F5: variants seen among roughly 807,000 people sequenced by gnomAD.
F5 encodes activated protein c cofactor.
F5 carries 138 observed loss-of-function variants against 216.4 expected under a neutral mutation model. The ratio of observed to expected loss-of-function variants is 0.64; its 90% CI spans 0.56 to 0.73. The LOEUF (loss-of-function observed/expected upper bound fraction) is 0.73, where lower values mean the gene tolerates loss of function less well. F5 is among the 30% of genes least tolerant of loss of function. F5 has a pLI of 0.00. For synonymous variants in F5, 916 were observed against 930.7 expected (o/e 0.98, Z 0.29); for missense variants, 2,403 against 2,674.0 (o/e 0.90, Z 2.24).
chr1:169,531,231 AT>A (rs1659590955), intron 14 of F5, among the ~76,000 whole-genome samples: 1 of 152,000 alleles, frequency 6.6e-6, no homozygotes, highest in African/African-American at 2.4e-5. Context: ...ACCAAAAGAT[AT>A]TTGTTCTTAG....
chr1:169,568,550 A>T (rs974738941), intron 3 of F5, among the ~76,000 whole-genome samples: 1 of 152,146 alleles, frequency 6.6e-6, no homozygotes, highest in Non-Finnish European at 1.5e-5. Flanking sequence ...AATAAAAAAA[A>T]TTAAGCTCTA....
At chr1:169,548,755 G>A (rs1660077280) in intron 10 of F5, among the ~76,000 whole-genome samples, 1 of 151,808 alleles carries the variant, frequency 6.6e-6, no homozygotes, top group African/African-American at 2.4e-5. Flanking sequence ...TGTAATCCCA[G>A]CTACTCAAGA....
intron 11 of F5, among the ~76,000 whole-genome samples, chr1:169,545,502 C>T (rs879814808): frequency 2.0e-5 from 3 of 152,184 alleles, no homozygotes; most frequent in Admixed American, 2.0e-4. Context: ...TTTCTCTTTA[C>T]TTTTTAATGT....
chr1:169,524,701 C>T, intron 19 of F5, 136 bp downstream of exon 19: 1 of 779,164 alleles, frequency 1.3e-6, no homozygotes. Context: ...AATGGAGCTG[C>T]TTCACTACAT....
intron 17 of F5, 36 bp from the exon 18 acceptor site, chr1:169,526,053 T>C: frequency 7.1e-7 from 1 of 1,404,516 alleles, no homozygotes; most frequent in Non-Finnish European, 1.0e-6. Flanking sequence ...TTTGCAAAAA[T>C]TAACAAGTAA....
chr1:169,553,842 T>A, intron 7 of F5, among the ~76,000 whole-genome samples: 1 of 152,162 alleles, frequency 6.6e-6, no homozygotes. Context: ...ACTTATACAC[T>A]CTTGGTGGAA....
At chr1:169,559,854 G>A (rs577137160) in intron 4 of F5, among the ~76,000 whole-genome samples, 2 of 151,984 alleles carry the variant, frequency 1.3e-5, no homozygotes, top group East Asian at 3.9e-4. Flanking sequence ...AAAAGTCTTT[G>A]TATAATGAGT....
At chr1:169,534,658 A>C (rs937831632) in intron 14 of F5, among the ~76,000 whole-genome samples, 9 of 150,070 alleles carry the variant, frequency 6.0e-5, no homozygotes, top group Non-Finnish European at 1.3e-4. Flanking sequence ...ACAGAGTGAG[A>C]CTCCATCTCA....
intron 16 of F5, among the ~76,000 whole-genome samples, chr1:169,529,041 G>A (rs1034549872): frequency 2.6e-5 from 4 of 152,106 alleles, no homozygotes; most frequent in Non-Finnish European, 4.4e-5. Context: ...TTTTCCTTGT[G>A]AATTTCCAAA....
At chr1:169,548,805 G>A (rs1660078670) in intron 10 of F5, among the ~76,000 whole-genome samples, 1 of 151,074 alleles carries the variant, frequency 6.6e-6, no homozygotes, top group Non-Finnish European at 1.5e-5. Context: ...GGAGGCAGAG[G>A]TTGCAGTGAT....
chr1:169,524,972 T>G, intron 18 of F5, 64 bp from the exon 19 acceptor site: 2 of 1,272,986 alleles, frequency 1.6e-6, no homozygotes, highest in Non-Finnish European at 2.3e-6. Context: ...AAAGTAAAAC[T>G]CCATGGTTAG....
chr1:169,526,287 C>T (rs1297635686), intron 17 of F5, among the ~76,000 whole-genome samples: 2 of 152,170 alleles, frequency 1.3e-5, no homozygotes, highest in African/African-American at 2.4e-5. Flanking sequence ...CAAATTAACT[C>T]ACATACAATA....
chr1:169,543,741 C>A (rs1018137563), intron 12 of F5, among the ~76,000 whole-genome samples: 2 of 152,086 alleles, frequency 1.3e-5, no homozygotes, highest in Non-Finnish European at 2.9e-5. Flanking sequence ...AGGCACTTGG[C>A]GCATATTACT....
At chr1:169,546,379 G>A in intron 11 of F5, 63 bp downstream of exon 11, 1 of 1,582,776 alleles carries the variant, frequency 6.3e-7, no homozygotes, top group Non-Finnish European at 8.7e-7. Flanking sequence ...CTGACTCTAG[G>A]CACAGTCATA....
chr1:169,574,570 G>T (rs1660800106), intron 2 of F5, among the ~76,000 whole-genome samples: 1 of 152,198 alleles, frequency 6.6e-6, no homozygotes, highest in African/African-American at 2.4e-5. Context: ...GCATTTGTTT[G>T]CAGTGGTGAT....
At chr1:169,568,588 A>G (rs1470787100) in intron 3 of F5, among the ~76,000 whole-genome samples, 1 of 152,164 alleles carries the variant, frequency 6.6e-6, no homozygotes, top group Admixed American at 6.6e-5. Context: ...ATGGACAGGG[A>G]CAACTATTGT....
Position 169,529,691 on chromosome 1 carries a change from T to C in F5, c.5336A>G (p.Lys1779Arg), listed in dbSNP as rs914981522. 5.0e-6 allele frequency: 8 copies of C among 1,613,794 alleles called. No homozygotes were observed. The highest frequency in any genetic ancestry group is 5.9e-6 in the Non-Finnish European group (7 of 1,179,844). ...FVLLFMTFDE[K>R]KSWYYEKKSR... ...CTTCTTTTCATAGTACCAGCTCTTCTTTTCATCAAAGGTCATAAATAGTAA... is the reference window on the plus strand; with the variant it reads ...CTTCTTTTCATAGTACCAGCTCTTCCTTTCATCAAAGGTCATAAATAGTAA... The change falls in exon 16 of 25, where the codon AAG becomes AGG. Residue 1779 changes from lysine to arginine, a missense_variant. Physicochemically the swap from Lys to Arg is conservative, Grantham distance 26 (BLOSUM62 2). Around this residue, in one of 4 missense-constraint regions of F5, gnomAD observed 659 missense variants for 787.9 expected, o/e 0.84. Transcript: ENST00000367797.
Position 169,572,291 on chromosome 1 carries a change from G to A in F5, c.303C>T (p.His101=). ...YAEVGDIIKV[H]FKNKADKPLS... ...AGGGCTTATCTGCCTTATTTTTAAA[G>A]TGAACTTTTATGATGTCTCCGACTT... The change falls in exon 3 of 25, where the codon CAC becomes CAT. Residue 101 remains histidine, a synonymous_variant. Transcript: ENST00000367797. 6.2e-7 allele frequency: 1 copy of A among 1,613,348 alleles called. No homozygotes were observed. The highest frequency in any genetic ancestry group is 1.1e-5 in the South Asian group (1 of 91,068).
chr1:169,577,275 T>C (rs1660874208), intron 2 of F5, among the ~76,000 whole-genome samples: 1 of 152,036 alleles, frequency 6.6e-6, no homozygotes, highest in Non-Finnish European at 1.5e-5. Flanking sequence ...TAACACAAGG[T>C]AGTGATTGTT....
Sources: allele counts gnomAD v4.1 joint callset (sites outside exome capture counted in the v4.1 genomes callset), GRCh38; gene constraint gnomAD v4.1.1; regional missense constraint gnomAD v4.1.1; transcripts MANE v1.5; gene names NCBI Gene and HGNC (gene_info 2026-07-23, HGNC 2026-07-21).